Variants in ITPA observed in about 807,000 individuals in gnomAD.
The protein encoded by ITPA is inosine triphosphatase.
Under a neutral mutation model 29.6 loss-of-function variants are expected in ITPA, and 29 were observed. The observed-to-expected ratio is 0.98, with a 90% CI of 0.73 to 1.34. The LOEUF (loss-of-function observed/expected upper bound fraction) is 1.34, where lower values mean the gene tolerates loss of function less well. Ranked by LOEUF, ITPA falls within the 40% of genes most tolerant of loss-of-function variation. The pLI, the probability that ITPA is intolerant of heterozygous loss-of-function variation, is 0.00. For synonymous variants in ITPA, 103 were observed against 99.3 expected (o/e 1.04, Z -0.22); for missense variants, 241 against 251.5 (o/e 0.96, Z 0.28).
intron 4 of ITPA, among the ~76,000 whole-genome samples, chr20:3,214,431 A>G (rs1303039106): frequency 7.0e-6 from 1 of 142,638 alleles, no homozygotes; most frequent in Non-Finnish European, 1.5e-5. Context: ...CAGTGGCATG[A>G]TCATAGCTCA....
intron 6 of ITPA, chr20:3,219,193 ATTCTTTTTTT>A (rs1485028753): frequency 1.5e-4 from 18 of 118,246 alleles, no homozygotes; most frequent in African/African-American, 6.1e-4. Context: ...TAGAATCTTA[ATTCTTTTTTT>A]TTTTTTTTTT....
chr20:3,206,498 A>G (rs1209959104), upstream of ITPA, among the ~76,000 whole-genome samples: 1 of 151,850 alleles, frequency 6.6e-6, no homozygotes, highest in Non-Finnish European at 1.5e-5. Context: ...GGAATTTGAG[A>G]CCAGCCTGAC....
At chr20:3,224,182 G>A (rs975549625), downstream of ITPA, among the ~76,000 whole-genome samples, 1 of 152,166 alleles carries the variant, frequency 6.6e-6, no homozygotes, top group African/African-American at 2.4e-5. Flanking sequence ...CCGCGAAAAT[G>A]TTGGTTTACA....
chr20:3,209,945 C>G lies in ITPA; in HGVS notation c.66+328C>G, dbSNP rs1324866823. The stretch of plus-strand genomic sequence containing the variant: ...GTCACCTATTGAAGTAGACCCCAAC[C>G]CAGTGTCCCGACACTCTTCTGGGAC... On this transcript the variant is annotated intron_variant, in intron 1 of 7. Coordinates refer to ENST00000380113, the MANE Select transcript of ITPA (RefSeq NM_033453.4). The surrounding 1 kb of genome is among the most constrained non-coding windows in gnomAD (Gnocchi z 4.6). 3.3e-5 allele frequency among the ~76,000 whole-genome samples: 5 copies of G among 152,068 alleles called. No individual in the cohort carries two copies. The highest frequency in any genetic ancestry group is 1.2e-4 in the African/African-American group (5 of 41,410).
upstream of ITPA, among the ~76,000 whole-genome samples, chr20:3,207,762 C>T (rs923875827): frequency 6.7e-6 from 1 of 150,174 alleles, no homozygotes; most frequent in African/African-American, 2.4e-5. Flanking sequence ...TTAGGGAGGC[C>T]GAGGTGGGCA....
At chr20:3,215,140 T>C in intron 4 of ITPA, 141 bp from the exon 5 acceptor site, 1 of 790,382 alleles carries the variant, frequency 1.3e-6, no homozygotes, top group South Asian at 1.4e-5. Context: ...GTGCTGGGAT[T>C]ATAGGCGGGA....
downstream of ITPA, among the ~76,000 whole-genome samples, chr20:3,225,363 G>A (rs1031244351): frequency 2.0e-5 from 3 of 152,168 alleles, no homozygotes; most frequent in Non-Finnish European, 2.9e-5. Flanking sequence ...CTAGAGGACT[G>A]GGACTTTCGG....
chr20:3,220,189 C>G (rs925235613), intron 6 of ITPA, among the ~76,000 whole-genome samples: 1 of 151,932 alleles, frequency 6.6e-6, no homozygotes, highest in African/African-American at 2.4e-5. Flanking sequence ...TGGAGAGTAA[C>G]TGGGACTACA....
chr20:3,215,073 T>G (rs543002297), intron 4 of ITPA: 1 of 584,570 alleles, frequency 1.7e-6, no homozygotes, highest in Non-Finnish European at 3.1e-6. Flanking sequence ...TGCTACGTTG[T>G]CCAAGCTTTT....
chr20:3,218,760 G>C, intron 6 of ITPA, 128 bp downstream of exon 6: 1 of 721,854 alleles, frequency 1.4e-6, no homozygotes, highest in South Asian at 1.5e-5. Flanking sequence ...TCTGTGCCTT[G>C]CTGAGAGGCT....
At chr20:3,215,654 C>T (rs1259158117) in intron 5 of ITPA, among the ~76,000 whole-genome samples, 2 of 152,184 alleles carry the variant, frequency 1.3e-5, no homozygotes, top group Non-Finnish European at 2.9e-5. Context: ...ATCCTGTCAC[C>T]CACAGTTGCA....
intron 6 of ITPA, among the ~76,000 whole-genome samples, chr20:3,219,680 G>T (rs1178141216): frequency 2.0e-5 from 3 of 151,276 alleles, no homozygotes; most frequent in African/African-American, 7.3e-5. Context: ...AGGAGGCGGA[G>T]GTTGCAGTGA....
At chr20:3,219,762 AG>A (rs1474755543) in intron 6 of ITPA, among the ~76,000 whole-genome samples, 2 of 150,394 alleles carry the variant, frequency 1.3e-5, no homozygotes. Context: ...AAAAAAAAAA[AG>A]AGGCTGAGCA....
At chr20:3,213,433 T>A (rs765811885) in intron 3 of ITPA, 50 bp downstream of exon 3, 2 of 1,610,492 alleles carry the variant, frequency 1.2e-6, no homozygotes, top group Non-Finnish European at 1.7e-6. Context: ...CCAGGTAGCT[T>A]CCAGGGCCTG....
Position 3,213,235 on chromosome 20 carries a change from CTGTTT to C in ITPA, c.124+16_124+20del, listed in dbSNP as rs777029172. On this transcript the variant is annotated intron_variant, in intron 2 of 7. Coordinates refer to ENST00000380113, the MANE Select transcript of ITPA (RefSeq NM_033453.4). ...GGCACAGAAAATTGACCGTATGTCT[CTGTTT>C]TGTTTTATTTTTAAAAGATGGTTGG... The C allele has an allele frequency of 1.1e-5, 17 of 1,614,038 alleles. No individual in the cohort carries two copies. Among genetic ancestry groups the C allele is most frequent in the African/African-American group, 2.7e-5 (2 of 74,916 alleles).
chr20:3,224,432 G>C (rs1336858250), downstream of ITPA, among the ~76,000 whole-genome samples: 1 of 152,156 alleles, frequency 6.6e-6, no homozygotes, highest in Non-Finnish European at 1.5e-5. Flanking sequence ...GCTCAGGCTG[G>C]TGGGGCACCC....
intron 5 of ITPA, among the ~76,000 whole-genome samples, chr20:3,216,464 T>C (rs1478859558): frequency 1.3e-5 from 2 of 148,760 alleles, no homozygotes; most frequent in Non-Finnish European, 3.0e-5. Flanking sequence ...GGCCTTTTTT[T>C]TTTTTTTGTG....
intron 1 of ITPA, among the ~76,000 whole-genome samples, chr20:3,211,079 GAA>G (rs1380690345): frequency 1.1e-5 from 1 of 94,710 alleles, no homozygotes; most frequent in East Asian, 3.1e-4. Flanking sequence ...AAAAAAAAAA[GAA>G]GAAGAAGAAG....
upstream of ITPA, chr20:3,209,105 T>C (rs1269386823): frequency 3.8e-6 from 1 of 260,360 alleles, no homozygotes; most frequent in African/African-American, 2.3e-5. The surrounding 1 kb of genome is among the most constrained non-coding windows in gnomAD (Gnocchi z 4.6). Flanking sequence ...AGCTGGCGGG[T>C]AAGGCTGAAG....
Sources: allele counts gnomAD v4.1 joint callset (sites outside exome capture counted in the v4.1 genomes callset), GRCh38; gene constraint gnomAD v4.1.1; non-coding constraint Gnocchi (gnomAD v3.1); transcripts MANE v1.5; gene names NCBI Gene and HGNC (gene_info 2026-07-23, HGNC 2026-07-21).